TCF7L2: variants seen among roughly 807,000 people sequenced by gnomAD.
The protein encoded by TCF7L2 is transcription factor 7-like 2.
TCF7L2 carries 23 observed loss-of-function variants against 77.9 expected under a neutral mutation model. The observed-to-expected ratio is 0.30, with a 90% CI of 0.21 to 0.42. TCF7L2 has a LOEUF of 0.42. Ranked by LOEUF, TCF7L2 falls within the 10% of genes least tolerant of loss-of-function variation. The pLI is 1.00. For synonymous variants in TCF7L2, 413 were observed against 340.2 expected (o/e 1.21, Z -2.36); for missense variants, 654 against 793.1 (o/e 0.82, Z 2.11).
Position 113,145,201 on chromosome 10 carries a change from C to G in TCF7L2, c.789-810C>G, listed in dbSNP as rs115912515. ...CTGGGTATAGTTTCTGTTTCTCTGT[C>G]TCTTCTTATTTTTATTGGGACGGTA... On this transcript the variant is annotated intron_variant, in intron 7 of 13. Coordinates refer to ENST00000627217, the MANE Select transcript of TCF7L2 (RefSeq NM_001146274.2). Among the ~76,000 whole-genome samples the G allele has an allele frequency of 6.4e-4, 96 of 150,984 alleles. 2 individuals are homozygous for G. Among genetic ancestry groups the G allele is most frequent in the African/African-American group, 2.3e-3 (95 of 41,088 alleles).
At chr10:113,163,823 A>G (rs1409180555) in intron 13 of TCF7L2, among the ~76,000 whole-genome samples, 1 of 150,208 alleles carries the variant, frequency 6.7e-6, no homozygotes. Context: ...GCTCCCTTAC[A>G]CCCCTCCCCT....
rs190526840 is a variant in TCF7L2 at position 113,009,326 on chromosome 10, G to A, written c.451-30699G>A. Among the ~76,000 whole-genome samples the A allele has an allele frequency of 9.9e-5, 15 of 152,270 alleles. No homozygotes were observed. The East Asian group carries it at 2.9e-3, about 29-fold the overall frequency. On this transcript the variant is annotated intron_variant, in intron 4 of 13. Transcript: ENST00000627217. ...GCCTGGAGCAGCCTTCCCTGTCTCCGAGTTGCATTACCTCCTGAGAGGTCT... is the reference window on the plus strand; with the variant it reads ...GCCTGGAGCAGCCTTCCCTGTCTCCAAGTTGCATTACCTCCTGAGAGGTCT...
intron 5 of TCF7L2, among the ~76,000 whole-genome samples, chr10:113,056,989 T>G (rs1273810380): frequency 1.3e-5 from 2 of 152,214 alleles, no homozygotes; most frequent in Admixed American, 1.3e-4. Flanking sequence ...TGAAATGCTA[T>G]CTGCTCTGTG....
At chr10:113,134,425 TC>T (rs2067091186) in intron 5 of TCF7L2, among the ~76,000 whole-genome samples, 1 of 152,202 alleles carries the variant, frequency 6.6e-6, no homozygotes, top group Admixed American at 6.5e-5. Flanking sequence ...CCTGTGGCCA[TC>T]CCACCAGCAG....
chr10:113,107,720 C>T (rs753930135), intron 5 of TCF7L2, among the ~76,000 whole-genome samples: 86 of 137,530 alleles, frequency 6.3e-4, no homozygotes, highest in Non-Finnish European at 1.2e-3. Context: ...CACCAGTGCA[C>T]TCCAGCCTGG....
chr10:113,165,598 T>G lies in TCF7L2; in HGVS notation c.1435T>G (p.Cys479Gly). ...TCGCTACATACAAGGTGAAGGCAGC[T>G]GCCTCAGCCCACCCTCTTCAGATGG... is the stretch of plus-strand genomic sequence containing the variant. Residue 479 changes from cysteine (C) to glycine (G), a missense_variant, in exon 14 of 14, where the codon TGC becomes GGC. Transcript: ENST00000627217. 1.2e-6 allele frequency: 2 copies of G among 1,614,072 alleles called. No homozygotes were observed. Among genetic ancestry groups the G allele is most frequent in the Non-Finnish European group, 1.7e-6 (2 of 1,179,990 alleles).
At chr10:112,956,625 A>G (rs1439189645) in intron 3 of TCF7L2, among the ~76,000 whole-genome samples, 1 of 152,144 alleles carries the variant, frequency 6.6e-6, no homozygotes, top group African/African-American at 2.4e-5. Flanking sequence ...ACTCTGACTT[A>G]TAATTGAGCA....
At chr10:113,070,180 A>G (rs1393533526) in intron 5 of TCF7L2, among the ~76,000 whole-genome samples, 5 of 151,208 alleles carry the variant, frequency 3.3e-5, no homozygotes, top group Non-Finnish European at 4.4e-5. Flanking sequence ...CCCTTGAACC[A>G]GTGAGTCGGA....
At chr10:113,123,152 T>C (rs2065054088) in intron 5 of TCF7L2, among the ~76,000 whole-genome samples, 1 of 152,182 alleles carries the variant, frequency 6.6e-6, no homozygotes, top group Non-Finnish European at 1.5e-5. Context: ...ACTGGTGTCT[T>C]AATAGCAGAT....
rs1477073663 is a variant in TCF7L2 at position 112,966,184 on chromosome 10, T to TTATATATATTTATATATATATATATATA, written c.450+1569_450+1570insTTATATATATATATATATATATATATAT. Among the ~76,000 whole-genome samples the TTATATATATTTATATATATATATATATA allele has an allele frequency of 6.1e-4, 70 of 114,224 alleles. 2 individuals are homozygous for TTATATATATTTATATATATATATATATA. The highest frequency in any genetic ancestry group is 4.2e-3 in the Middle Eastern group (1 of 240). 74.9% of individuals were successfully genotyped at this position (114,224 alleles called of 152,430 possible). A position where few individuals can be genotyped will look rare whatever the true frequency, so the allele number is the denominator to read the frequency against. On this transcript the variant is annotated intron_variant, in intron 4 of 13. Transcript: ENST00000627217. ...GAGTGAGACTCTGTCTAAAATATAT[T>TTATATATATTTATATATATATATATATA]TATATATATATATATATATATATAT...
chr10:113,026,719 T>C (rs948223580), intron 4 of TCF7L2, among the ~76,000 whole-genome samples: 18 of 152,214 alleles, frequency 1.2e-4, no homozygotes, highest in Non-Finnish European at 2.5e-4. Context: ...GTTGAAAACT[T>C]GAGACCTGAA....
At chr10:113,018,992 G>A (rs1161459976) in intron 4 of TCF7L2, among the ~76,000 whole-genome samples, 4 of 152,174 alleles carry the variant, frequency 2.6e-5, no homozygotes, top group Non-Finnish European at 4.4e-5. Flanking sequence ...TCCAGAGGGA[G>A]CACAAGAGGG....
chr10:113,041,633 A>C (rs1420515445), intron 5 of TCF7L2, among the ~76,000 whole-genome samples: 3 of 152,168 alleles, frequency 2.0e-5, no homozygotes, highest in Admixed American at 2.0e-4. Context: ...ATAGGTGTAA[A>C]GAAGTTGCTG....
intron 4 of TCF7L2, among the ~76,000 whole-genome samples, chr10:113,008,441 T>C (rs2045939465): frequency 6.6e-6 from 1 of 152,220 alleles, no homozygotes; most frequent in Non-Finnish European, 1.5e-5. Context: ...ACCCTGATGA[T>C]ATCAGCACTA....
At chr10:113,126,981 G>A (rs958202675) in intron 5 of TCF7L2, 194 of 938,202 alleles carry the variant, frequency 2.1e-4, no homozygotes, top group Non-Finnish European at 2.3e-4. Flanking sequence ...TGTCCAGTCC[G>A]CATGCATGCT....
intron 4 of TCF7L2, among the ~76,000 whole-genome samples, chr10:112,973,081 C>T (rs1313781138): frequency 6.6e-6 from 1 of 152,172 alleles, no homozygotes; most frequent in African/African-American, 2.4e-5. Flanking sequence ...GTAAAAAGTA[C>T]AGAATCCTGG....
intron 4 of TCF7L2, among the ~76,000 whole-genome samples, chr10:112,991,515 A>T (rs527890278): frequency 6.9e-6 from 1 of 144,764 alleles, no homozygotes; most frequent in African/African-American, 2.9e-5. Context: ...CTCAAAAAAA[A>T]AAAGAAAGAA....
intron 4 of TCF7L2, among the ~76,000 whole-genome samples, chr10:112,972,676 G>T (rs927524569): frequency 6.6e-5 from 10 of 152,122 alleles, no homozygotes; most frequent in African/African-American, 2.2e-4. Flanking sequence ...TCGCCATGTT[G>T]CCCAGGCTGG....
chr10:113,077,375 G>GTATA (rs1564861837), intron 5 of TCF7L2, among the ~76,000 whole-genome samples: 1 of 152,156 alleles, frequency 6.6e-6, no homozygotes, highest in African/African-American at 2.4e-5. Flanking sequence ...CCCATTTAAA[G>GTATA]TATATAATTC....
Sources: gnomAD v4.1 joint callset for allele counts (sites outside exome capture counted in the v4.1 genomes callset) on GRCh38, gnomAD v4.1.1 for gene constraint, MANE v1.5 for transcripts, NCBI Gene and HGNC (gene_info 2026-07-23, HGNC 2026-07-21) for gene names.